Variants in RSF1 observed in about 807,000 individuals in gnomAD.
RSF1 encodes remodeling and spacing factor 1.
In RSF1, 13 loss-of-function variants were observed where a neutral mutation model predicts 145.2. The observed-to-expected ratio is 0.09, with a 90% CI of 0.06 to 0.14. RSF1 has a LOEUF of 0.14. Among genes scored for constraint, RSF1 ranks in the 10% least tolerant of loss-of-function variants. RSF1 has a pLI of 1.00. For missense variants in RSF1, 1,517 were observed against 1,718.2 expected, an observed-to-expected ratio of 0.88 and a Z score of 2.07; for synonymous variants, 577 against 592.6, an observed-to-expected ratio of 0.97 and a Z score of 0.38.
chr11:77,753,025 G>C (rs1948079942), intron 2 of RSF1, among the ~76,000 whole-genome samples: 1 of 152,166 alleles, frequency 6.6e-6, no homozygotes, highest in Admixed American at 6.6e-5. Flanking sequence ...CTAAAAATGA[G>C]AGGCATGAAT....
chr11:77,764,575 G>A (rs758558033), intron 2 of RSF1, 23 bp downstream of exon 2: 10 of 1,321,230 alleles, frequency 7.6e-6, no homozygotes, highest in Middle Eastern at 3.7e-4. Context: ...TAATAGAGCA[G>A]GAAATTTACA....
the RSF1 span, among the ~76,000 whole-genome samples, chr11:77,871,803 A>C: frequency 7.9e-5 from 12 of 152,350 alleles, no homozygotes; most frequent in East Asian, 2.3e-3. Context: ...TAGCTCAGTT[A>C]GTTGTCATAC....
chr11:77,794,987 T>C (rs533169258), intron 1 of RSF1, among the ~76,000 whole-genome samples: 1 of 152,220 alleles, frequency 6.6e-6, no homozygotes, highest in African/African-American at 2.4e-5. Flanking sequence ...TCTTAGAACA[T>C]TCAGTAATGC....
intron 6 of RSF1, among the ~76,000 whole-genome samples, chr11:77,699,556 G>A (rs978836647): frequency 2.6e-5 from 4 of 152,136 alleles, no homozygotes; most frequent in African/African-American, 9.7e-5. Flanking sequence ...CAAAAGACTT[G>A]TAAAATATTT....
the RSF1 span, chr11:77,841,204 T>G: frequency 7.0e-5 from 49 of 702,350 alleles, no homozygotes; most frequent in Non-Finnish European, 1.0e-4. Flanking sequence ...GGAACCCTCA[T>G]GGCCTAATCA....
rs552019511 is a variant in RSF1, at chr11:77,660,560, T to G, written c.*6357A>C. On this transcript the variant is annotated 3_prime_UTR_variant, in exon 16 of 16. Transcript: ENST00000308488. Reference sequence around the variant, plus strand: ...TAAATCTCATCTCCTAGAAACCAAATAAAACATTCTGAGAACCTATTCCAG... The same window carrying G: ...TAAATCTCATCTCCTAGAAACCAAAGAAAACATTCTGAGAACCTATTCCAG... 2 of 152,196 alleles carry G rather than the reference T, an allele frequency of 1.3e-5. No homozygotes were observed. The highest frequency in any genetic ancestry group is 2.9e-5 in the Non-Finnish European group (2 of 67,994). 9.4% of individuals were successfully genotyped at this position (152,196 alleles called of 1,614,324 possible).
chr11:77,775,324 A>T (rs58367448), intron 1 of RSF1, among the ~76,000 whole-genome samples: 26,872 of 151,948 alleles, frequency 0.18, 2,972 homozygotes, highest in African/African-American at 0.29. Context: ...CTGAATGAAT[A>T]TATTAATATG....
At chr11:77,872,124 C>A in the RSF1 span, 5 of 1,575,950 alleles carry the variant, frequency 3.2e-6, no homozygotes, top group Non-Finnish European at 4.3e-6. Context: ...AGTAAAGGAA[C>A]CCCTGGGGGG....
chr11:77,786,567 G>C (rs1948458757), intron 1 of RSF1, among the ~76,000 whole-genome samples: 1 of 152,076 alleles, frequency 6.6e-6, no homozygotes, highest in Admixed American at 6.6e-5. Context: ...TAAAGTTTTA[G>C]TCACAAGGTT....
intron 1 of RSF1, among the ~76,000 whole-genome samples, chr11:77,767,013 C>T (rs956841794): frequency 6.6e-6 from 1 of 152,050 alleles, no homozygotes; most frequent in Non-Finnish European, 1.5e-5. Flanking sequence ...ACTGGTTGTG[C>T]AGTGATAAAA....
chr11:77,747,602 A>T (rs991159855), intron 2 of RSF1, among the ~76,000 whole-genome samples: 3 of 152,246 alleles, frequency 2.0e-5, no homozygotes, highest in Non-Finnish European at 2.9e-5. Context: ...CATTCTTGGC[A>T]TATGAAAACT....
intron 15 of RSF1, among the ~76,000 whole-genome samples, chr11:77,667,830 A>T (rs1959411330): frequency 6.6e-6 from 1 of 152,026 alleles, no homozygotes; most frequent in Admixed American, 6.6e-5. Context: ...CAGCCTCCCG[A>T]GTAGCTGGGA....
At position 77,768,929 on chromosome 11, in the gene RSF1, C is replaced by G. The variant is rs147160170; in HGVS notation, c.188-4240G>C. Among the ~76,000 whole-genome samples, 9 of 152,300 alleles carry G rather than the reference C, an allele frequency of 5.9e-5. No individual in the cohort carries two copies. The East Asian group carries it at 1.3e-3, about 23-fold the overall frequency. On this transcript the variant is annotated intron_variant, in intron 1 of 15. Transcript: ENST00000308488. Reference sequence around the variant, plus strand: ...AGTAGCCATTAGCCACATGTGTCTACTGAGAAGCTGAAATGTGGCTAATGA... The same window carrying G: ...AGTAGCCATTAGCCACATGTGTCTAGTGAGAAGCTGAAATGTGGCTAATGA...
chr11:77,813,450 C>T (rs1030667359), intron 1 of RSF1: 32 of 1,202,234 alleles, frequency 2.7e-5, no homozygotes, highest in Non-Finnish European at 2.9e-5. Context: ...AAGGATCCCA[C>T]GTCTTAGAAC....
At chr11:77,735,107 A>T in intron 4 of RSF1, 2 of 805,850 alleles carry the variant, frequency 2.5e-6, no homozygotes, top group South Asian at 1.4e-5. Flanking sequence ...GGGCGGTCTG[A>T]GGGTGCCGTG....
At chr11:77,829,049 T>C in the RSF1 span, among the ~76,000 whole-genome samples, 1 of 152,196 alleles carries the variant, frequency 6.6e-6, no homozygotes, top group African/African-American at 2.4e-5. Flanking sequence ...CAGATTCATA[T>C]GTTGAAGCCC....
chr11:77,793,726 T>A (rs576543319), intron 1 of RSF1, among the ~76,000 whole-genome samples: 12 of 152,248 alleles, frequency 7.9e-5, no homozygotes, highest in African/African-American at 2.9e-4. Flanking sequence ...TAGGCAGGTA[T>A]CCCCTACCTC....
chr11:77,809,546 CAA>C (rs1191371642), intron 1 of RSF1, among the ~76,000 whole-genome samples: 3 of 151,934 alleles, frequency 2.0e-5, no homozygotes, highest in African/African-American at 7.3e-5. Context: ...GGCCATGAGG[CAA>C]AAAGATAGCA....
intron 1 of RSF1, among the ~76,000 whole-genome samples, chr11:77,780,804 G>A (rs1457672073): frequency 1.5e-5 from 2 of 133,460 alleles, no homozygotes; most frequent in Middle Eastern, 5.0e-3. Context: ...CAGCCTGGGT[G>A]ACAGAGCGAG....
Sources: allele counts gnomAD v4.1 joint callset (sites outside exome capture counted in the v4.1 genomes callset), GRCh38; gene constraint gnomAD v4.1.1; transcripts MANE v1.5; gene names NCBI Gene and HGNC (gene_info 2026-07-23, HGNC 2026-07-21).